Variants in HS6ST2 observed in about 807,000 individuals in gnomAD.
HS6ST2 encodes the protein heparan-sulfate 6-O-sulfotransferase 2.
HS6ST2 carries 17 observed loss-of-function variants against 33.0 expected under a neutral mutation model. The observed-to-expected ratio is 0.52, with a 90% confidence interval of 0.35 to 0.77. HS6ST2 has a LOEUF of 0.77. Among genes scored for constraint, HS6ST2 ranks in the 30% least tolerant of loss-of-function variants. The pLI is 0.01. For synonymous variants in HS6ST2, 248 were observed against 237.1 expected (o/e 1.05, Z -0.42); for missense variants, 519 against 551.7 (o/e 0.94, Z 0.59).
intron 2 of HS6ST2, among the ~76,000 whole-genome samples, chrX:132,833,630 G>A (rs760762230): frequency 9.0e-6 from 1 of 111,280 alleles, no homozygotes; most frequent in African/African-American, 3.3e-5. Context: ...GTCCCCACTT[G>A]GGGAAGTAAG....
At chrX:132,649,499 T>C (rs1251820151) in intron 4 of HS6ST2, among the ~76,000 whole-genome samples, 1 of 112,123 alleles carries the variant, frequency 8.9e-6, no homozygotes, top group East Asian at 2.8e-4. Flanking sequence ...AACAAATAAT[T>C]GTGGAATGTA....
chrX:132,717,758 C>T (rs1420996672), intron 2 of HS6ST2, among the ~76,000 whole-genome samples: 1 of 111,948 alleles, frequency 8.9e-6, no homozygotes, highest in African/African-American at 3.3e-5. Flanking sequence ...ATTAACACTG[C>T]TGCTCCCGAT....
intron 2 of HS6ST2, among the ~76,000 whole-genome samples, chrX:132,887,306 C>G (rs144416551): frequency 0.021 from 2,402 of 111,864 alleles, 60 homozygotes; most frequent in African/African-American, 0.074. Flanking sequence ...ATAAAGAGCT[C>G]TTACAACTCA....
chrX:132,758,919 C>CA lies in HS6ST2; in HGVS notation c.948-50426dup, dbSNP rs2064781486. Among the ~76,000 whole-genome samples, 3 of 110,865 alleles carry CA rather than the reference C, an allele frequency of 2.7e-5. No individual in the cohort carries two copies. The Admixed American group carries it at 2.9e-4, about 11-fold the overall frequency. On this transcript the variant is annotated intron_variant, in intron 2 of 4. Coordinates refer to ENST00000370833, the MANE Select transcript of HS6ST2 (RefSeq NM_001394073.1). ...AGCCTGATATAGAAAGCCTATAAAC[C>CA]ATCCCCGTGCAAAGAAGTGGCCAGC...
intron 3 of HS6ST2, among the ~76,000 whole-genome samples, chrX:132,685,510 C>T (rs1039415815): frequency 9.0e-6 from 1 of 111,302 alleles, no homozygotes; most frequent in Non-Finnish European, 1.9e-5. Context: ...CTGTGTTGTA[C>T]CCAATGCATG....
intron 2 of HS6ST2, among the ~76,000 whole-genome samples, chrX:132,914,000 C>T (rs2066560598): frequency 8.9e-6 from 1 of 111,945 alleles, no homozygotes; most frequent in Admixed American, 9.5e-5. Context: ...CTCAGGCTTC[C>T]CACTGCCTGC....
At chrX:132,646,366 T>C (rs948751588) in intron 4 of HS6ST2, among the ~76,000 whole-genome samples, 1 of 110,345 alleles carries the variant, frequency 9.1e-6, no homozygotes, top group African/African-American at 3.3e-5. Context: ...AGGGACTAAA[T>C]GACCTCTAAG....
chrX:132,750,450 A>G (rs1394581200), intron 2 of HS6ST2, among the ~76,000 whole-genome samples: 1 of 111,152 alleles, frequency 9.0e-6, no homozygotes, highest in East Asian at 2.8e-4. Flanking sequence ...GAGCAAGTAA[A>G]CCAAAAGCCA....
chrX:132,816,629 T>C (rs748917862), intron 2 of HS6ST2, among the ~76,000 whole-genome samples: 3 of 112,245 alleles, frequency 2.7e-5, no homozygotes, highest in South Asian at 3.7e-4. Flanking sequence ...CTCAAAATAT[T>C]TGCTGGCTTA....
At chrX:132,910,809 A>C (rs1602858113) in intron 2 of HS6ST2, among the ~76,000 whole-genome samples, 1 of 111,521 alleles carries the variant, frequency 9.0e-6, no homozygotes, top group Non-Finnish European at 1.9e-5. Context: ...CTCGGTAAAT[A>C]CAAGCCTCTA....
chrX:132,842,203 C>T (rs1465002819), intron 2 of HS6ST2, among the ~76,000 whole-genome samples: 1 of 111,639 alleles, frequency 9.0e-6, no homozygotes, highest in Admixed American at 9.5e-5. Context: ...CACACAGCCA[C>T]AAACAACAGC....
intron 3 of HS6ST2, among the ~76,000 whole-genome samples, chrX:132,682,991 G>A (rs1268088093): frequency 1.8e-5 from 2 of 110,248 alleles, no homozygotes; most frequent in Non-Finnish European, 3.8e-5. Context: ...GCACTTGCCT[G>A]TAGGCCCAGC....
At chrX:132,679,734 A>G (rs1282692766) in intron 3 of HS6ST2, among the ~76,000 whole-genome samples, 4 of 108,444 alleles carry the variant, frequency 3.7e-5, no homozygotes, top group African/African-American at 6.8e-5. Context: ...AGCCTCGACC[A>G]TAGAAGACAA....
intron 4 of HS6ST2, among the ~76,000 whole-genome samples, chrX:132,663,194 A>G (rs1392022332): frequency 8.9e-6 from 1 of 112,670 alleles, no homozygotes; most frequent in African/African-American, 3.2e-5. Flanking sequence ...TAATTTATTT[A>G]AAGATATCTT....
rs756219230 is a variant in HS6ST2 at position 132,958,561 on chromosome X, C to T, written c.42G>A (p.Pro14=). 4.2e-6 allele frequency: 5 copies of T among 1,181,594 alleles called. No individual in the cohort carries two copies. In the South Asian group the frequency reaches 5.7e-5, roughly 13 times the overall value. The stretch of plus-strand genomic sequence containing the variant: ...CGGGCGCTCCTCGCTCCGGTTGCCG[C>T]GGCGGCTCGAACTCCCGGACTGCAC... The part of the protein sequence containing the change: ...PACAVREFEP[P]RQPERGAPVR... Residue 14 remains proline, a synonymous_variant, in exon 1 of 5, where the codon CCG becomes CCA. Coordinates refer to ENST00000370833, the MANE Select transcript of HS6ST2 (RefSeq NM_001394073.1).
intron 3 of HS6ST2, among the ~76,000 whole-genome samples, chrX:132,672,455 A>G (rs1284355510): frequency 9.0e-6 from 1 of 110,908 alleles, no homozygotes; most frequent in African/African-American, 3.3e-5. Flanking sequence ...GTAATCTCAA[A>G]CCTTATGTCC....
intron 3 of HS6ST2, among the ~76,000 whole-genome samples, chrX:132,707,855 G>A (rs370710386): frequency 1.8e-5 from 2 of 111,607 alleles, no homozygotes; most frequent in African/African-American, 6.5e-5. Context: ...CATTCTCAGC[G>A]TCCGTCTTCC....
chrX:132,724,397 T>A (rs1452632399), intron 2 of HS6ST2, among the ~76,000 whole-genome samples: 2 of 111,296 alleles, frequency 1.8e-5, no homozygotes, highest in African/African-American at 3.3e-5. Flanking sequence ...TAAAAAGTAA[T>A]CCCATTTACA....
At chrX:132,636,078 T>C (rs1245752663) in intron 4 of HS6ST2, among the ~76,000 whole-genome samples, 1 of 111,369 alleles carries the variant, frequency 9.0e-6, no homozygotes, top group African/African-American at 3.3e-5. Flanking sequence ...TGTCAAGCGA[T>C]TTTTCTGCCT....
Sources: allele counts gnomAD v4.1 joint callset (sites outside exome capture counted in the v4.1 genomes callset), GRCh38; gene constraint gnomAD v4.1.1; transcripts MANE v1.5; gene names NCBI Gene and HGNC (gene_info 2026-07-23, HGNC 2026-07-21).